Variants in SCN2A observed in about 807,000 individuals in gnomAD.
The protein encoded by SCN2A is sodium channel protein type 2 subunit alpha.
A neutral mutation model predicts 188.7 loss-of-function variants in SCN2A; 20 were observed. That is an observed-to-expected ratio of 0.11 (90% CI 0.07 to 0.15). The LOEUF is 0.15. Ranked by LOEUF, SCN2A falls within the 10% of genes least tolerant of loss-of-function variation. The pLI is 1.00. For synonymous variants in SCN2A, 804 were observed against 833.1 expected, an observed-to-expected ratio of 0.97 and a Z score of 0.60; for missense variants, 1,278 against 2,445.0, an observed-to-expected ratio of 0.52 and a Z score of 10.07.
intron 16 of SCN2A, among the ~76,000 whole-genome samples, chr2:165,351,480 A>G (rs570337331): frequency 6.6e-6 from 1 of 152,266 alleles, no homozygotes; most frequent in Admixed American, 6.5e-5. Context: ...GTTCAAAGAA[A>G]GGAAGTATCG....
chr2:165,285,494 T>G (rs1695788101), intron 1 of SCN2A: 1 of 166,328 alleles, frequency 6.0e-6, no homozygotes, highest in Admixed American at 6.3e-5. Context: ...TTTAAGAGGG[T>G]GGGTGATGAC....
chr2:165,290,422 G>T (rs1696043269), intron 1 of SCN2A, among the ~76,000 whole-genome samples: 1 of 152,068 alleles, frequency 6.6e-6, no homozygotes, highest in Admixed American at 6.5e-5. Context: ...AAAGGGAAAT[G>T]ATTACAGTAT....
chr2:165,252,511 T>C (rs1694139133), intron 1 of SCN2A, among the ~76,000 whole-genome samples: 1 of 152,126 alleles, frequency 6.6e-6, no homozygotes, highest in African/African-American at 2.4e-5. Context: ...GCACATTCTT[T>C]TTAAATTAAT....
chr2:165,344,494 T>A, intron 15 of SCN2A, 61 bp from the exon 16 acceptor site: 1 of 1,077,830 alleles, frequency 9.3e-7, no homozygotes, highest in East Asian at 3.0e-5. Context: ...AAAAATAAAA[T>A]AAAATTGCAG....
intron 3 of SCN2A, 129 bp downstream of exon 3, chr2:165,297,264 C>A: frequency 3.1e-6 from 2 of 643,920 alleles, no homozygotes; most frequent in Admixed American, 2.5e-5. Flanking sequence ...TTTACTCAAT[C>A]GTTAGCATGT....
At chr2:165,350,464 C>CTTTTTTTTTTTTTTTTTTTT (rs71028479) in intron 16 of SCN2A, among the ~76,000 whole-genome samples, 6 of 73,840 alleles carry the variant, frequency 8.1e-5, no homozygotes, top group Non-Finnish European at 1.2e-4. Context: ...TGTTTTCTTT[C>CTTTTTTTTTTTTTTTTTTTT]TTTTTTTTTT....
intron 1 of SCN2A, among the ~76,000 whole-genome samples, chr2:165,255,517 C>A (rs1244392029): frequency 6.6e-6 from 1 of 152,018 alleles, no homozygotes; most frequent in Non-Finnish European, 1.5e-5. Flanking sequence ...TGGTTTAACT[C>A]CATATCCTAA....
At chr2:165,247,040 TTCTGCA>T (rs1379645943) in intron 1 of SCN2A, among the ~76,000 whole-genome samples, 3 of 152,120 alleles carry the variant, frequency 2.0e-5, no homozygotes, top group African/African-American at 7.2e-5. Context: ...TCCTACCAGG[TTCTGCA>T]CCCACATAAC....
chr2:165,386,710 G>A, intron 25 of SCN2A, 36 bp from the exon 26 acceptor site: 2 of 1,594,762 alleles, frequency 1.3e-6, no homozygotes, highest in Non-Finnish European at 1.7e-6. Context: ...TTTTTTTAAG[G>A]TTTCTAATGG....
intron 15 of SCN2A, among the ~76,000 whole-genome samples, chr2:165,343,739 A>G (rs1188485628): frequency 1.3e-5 from 2 of 152,182 alleles, no homozygotes; most frequent in Non-Finnish European, 2.9e-5. Context: ...GTCAAACACA[A>G]TGAGAAAGAC....
At chr2:165,291,438 C>CTT (rs1696136951) in intron 1 of SCN2A, among the ~76,000 whole-genome samples, 1 of 21,926 alleles carries the variant, frequency 4.6e-5, no homozygotes, top group Non-Finnish European at 1.1e-4. Flanking sequence ...CTTTCTTTCT[C>CTT]TTTCTTTCTT....
intron 1 of SCN2A, among the ~76,000 whole-genome samples, chr2:165,288,540 A>T (rs960305886): frequency 2.9e-5 from 4 of 138,384 alleles, no homozygotes; most frequent in Admixed American, 1.4e-4. Flanking sequence ...ACCTAGCATT[A>T]AAAAAAAAAA....
At chr2:165,375,029 C>A in intron 22 of SCN2A, 63 bp downstream of exon 22, 1 of 1,414,756 alleles carries the variant, frequency 7.1e-7, no homozygotes, top group Non-Finnish European at 9.9e-7. Context: ...GTTTTTCTTC[C>A]TCATAATGAG....
intron 12 of SCN2A, among the ~76,000 whole-genome samples, chr2:165,326,204 C>T (rs1026125984): frequency 6.6e-6 from 1 of 152,144 alleles, no homozygotes; most frequent in African/African-American, 2.4e-5. Flanking sequence ...CTAAAAATCA[C>T]AGTCCCCCAC....
chr2:165,245,974 T>C (rs540907810), intron 1 of SCN2A, among the ~76,000 whole-genome samples: 5 of 152,328 alleles, frequency 3.3e-5, no homozygotes, highest in African/African-American at 1.2e-4. Context: ...TCTTGTTGAA[T>C]CCTTAGTTAT....
chr2:165,382,868 A>C (rs1701677712), intron 25 of SCN2A, among the ~76,000 whole-genome samples: 1 of 152,168 alleles, frequency 6.6e-6, no homozygotes, highest in African/African-American at 2.4e-5. Flanking sequence ...AGAGAAAAAA[A>C]CAAAATTCTC....
intron 3 of SCN2A, among the ~76,000 whole-genome samples, chr2:165,301,924 G>A (rs1225104337): frequency 6.6e-6 from 1 of 152,168 alleles, no homozygotes; most frequent in Non-Finnish European, 1.5e-5. Context: ...TCTATCAGTG[G>A]CAGAGCTAAA....
chr2:165,318,189 T>C (rs923884443), intron 11 of SCN2A, among the ~76,000 whole-genome samples: 15 of 152,198 alleles, frequency 9.9e-5, no homozygotes, highest in Non-Finnish European at 2.1e-4. Flanking sequence ...TGAAAAACTA[T>C]ACAATGCAAG....
intron 14 of SCN2A, among the ~76,000 whole-genome samples, chr2:165,338,695 A>G (rs1340203428): frequency 1.3e-5 from 2 of 152,230 alleles, no homozygotes; most frequent in Non-Finnish European, 2.9e-5. Flanking sequence ...AAAAAGTAAT[A>G]AATACTTCTT....
Sources: allele counts gnomAD v4.1 joint callset (sites outside exome capture counted in the v4.1 genomes callset), GRCh38; gene constraint gnomAD v4.1.1; transcripts MANE v1.5; gene names NCBI Gene and HGNC (gene_info 2026-07-23, HGNC 2026-07-21).